OSCP1: variants seen among roughly 807,000 people sequenced by gnomAD.
The protein encoded by OSCP1 is protein OSCP1.
A neutral mutation model predicts 45.1 loss-of-function variants in OSCP1; 35 were observed. The ratio of observed to expected loss-of-function variants is 0.78; its 90% CI spans 0.59 to 1.03. The LOEUF (loss-of-function observed/expected upper bound fraction) is 1.03, where lower values mean the gene tolerates loss of function less well. Ranked by LOEUF, OSCP1 falls within the 50% of genes least tolerant of loss-of-function variation. OSCP1 has a pLI of 0.00. For missense variants in OSCP1, 400 were observed against 470.7 expected (o/e 0.85, Z 1.39); for synonymous variants, 179 against 180.1 (o/e 0.99, Z 0.05).
At position 36,431,814 on chromosome 1, in the gene OSCP1, G is replaced by A; in HGVS notation, c.504C>T (p.Asp168=). 2.5e-6 allele frequency: 4 copies of A among 1,613,624 alleles called. No individual in the cohort carries two copies. Among genetic ancestry groups the A allele is most frequent in the Non-Finnish European group, 3.4e-6 (4 of 1,179,966 alleles). Residue 168 remains aspartate (D), a synonymous_variant, in exon 4 of 10, where the codon GAC becomes GAT. Transcript: ENST00000235532. ...IRQTLLIFFQ[D]LHIRVSMFLK... is the part of the protein sequence containing the mutation. ...CCTATTGACTTACTCGGATGTGCAG[G>A]TCTTGGAAGAAGATGAGGAGTGTCT...
Position 36,432,584 on chromosome 1 carries a change from A to T in OSCP1, c.273T>A (p.Tyr91Ter), listed in dbSNP as rs771698761. 2.2e-5 allele frequency: 36 copies of T among 1,614,080 alleles called. No homozygotes were observed. The highest frequency in any genetic ancestry group is 3.3e-5 in the Admixed American group (2 of 60,006). The change falls in exon 3 of 10, where the codon TAT becomes TAA. Residue 91 changes from tyrosine to a stop codon, truncating the protein, a stop_gained. Coordinates refer to ENST00000235532, the MANE Select transcript of OSCP1 (RefSeq NM_145047.5). LOFTEE classifies it high-confidence loss of function. ...KLNQASMDKLYDLMTMAFKYQ... is the reference protein window; with the variant it reads ...KLNQASMDKL ...ATTTGAAAGCCATGGTCATCAGGTC[A>T]TAGAGCTGCCAACCCACACACAAGC... is the stretch of plus-strand genomic sequence containing the variant.
Position 36,450,239 on chromosome 1 carries a change from C to A in OSCP1, c.112+19G>T. The stretch of plus-strand genomic sequence containing the variant: ...GCTGCTGGCTGCGGGTCTGGCTGAG[C>A]GGGCCGGGGGCCTCTCACCTTTGCG... On this transcript the variant is annotated intron_variant, in intron 1 of 9. Transcript: ENST00000235532. 6.2e-7 allele frequency: 1 copy of A among 1,601,282 alleles called. No individual in the cohort carries two copies.
rs748335154 is a variant in OSCP1, at chr1:36,432,593, C to T, written c.268-4G>A. Reference sequence around the variant, plus strand: ...CCATGGTCATCAGGTCATAGAGCTGCCAACCCACACACAAGCAAAAGAAAT... The same window carrying T: ...CCATGGTCATCAGGTCATAGAGCTGTCAACCCACACACAAGCAAAAGAAAT... On this transcript the variant is annotated splice_polypyrimidine_tract_variant and splice_region_variant and intron_variant, in intron 2 of 9. Coordinates refer to ENST00000235532, the MANE Select transcript of OSCP1 (RefSeq NM_145047.5). 9 of 1,613,980 alleles carry T rather than the reference C, an allele frequency of 5.6e-6. No homozygotes were observed. In the African/African-American group the frequency reaches 6.7e-5, roughly 12 times the overall value.
chr1:36,427,153 A>G (rs1190112041), intron 4 of OSCP1, among the ~76,000 whole-genome samples: 1 of 149,446 alleles, frequency 6.7e-6, no homozygotes, highest in Non-Finnish European at 1.5e-5. Context: ...GGCGCCCGCC[A>G]CCATGCCTGG....
At chr1:36,431,481 G>A (rs2124789808) in intron 4 of OSCP1, among the ~76,000 whole-genome samples, 1 of 152,122 alleles carries the variant, frequency 6.6e-6, no homozygotes, top group East Asian at 1.9e-4. Flanking sequence ...AGGTCAAGGA[G>A]GATACAGCTC....
At chr1:36,423,489 T>C in intron 4 of OSCP1, 23 bp from the exon 5 acceptor site, 1 of 1,547,134 alleles carries the variant, frequency 6.5e-7, no homozygotes. Flanking sequence ...ACATTTATTG[T>C]CATTTTTCTT....
intron 3 of OSCP1, among the ~76,000 whole-genome samples, chr1:36,432,087 A>G (rs1648402562): frequency 6.6e-6 from 1 of 152,192 alleles, no homozygotes; most frequent in Non-Finnish European, 1.5e-5. Flanking sequence ...GCAGGGGTAC[A>G]CTTCCTGTCT....
At chr1:36,446,461 C>T (rs746879725) in intron 1 of OSCP1, among the ~76,000 whole-genome samples, 8 of 152,178 alleles carry the variant, frequency 5.3e-5, no homozygotes, top group Non-Finnish European at 8.8e-5. Flanking sequence ...CAGTGACTCT[C>T]GCTGATAAAA....
At chr1:36,441,321 G>C (rs2123996621) in intron 1 of OSCP1, among the ~76,000 whole-genome samples, 1 of 152,324 alleles carries the variant, frequency 6.6e-6, no homozygotes, top group Non-Finnish European at 1.5e-5. Flanking sequence ...CCCAGCCCTT[G>C]GTTGAGGCAG....
intron 1 of OSCP1, chr1:36,444,168 G>A (rs946350329): frequency 4.3e-6 from 4 of 939,864 alleles, no homozygotes; most frequent in South Asian, 1.5e-5. Context: ...AATGTCTAAT[G>A]TGAGCACACT....
chr1:36,429,143 T>G (rs1648174491), intron 4 of OSCP1, among the ~76,000 whole-genome samples: 2 of 152,100 alleles, frequency 1.3e-5, no homozygotes, highest in South Asian at 4.1e-4. Flanking sequence ...CCCAGCACTT[T>G]GAGAGGCCAA....
chr1:36,438,707 A>G (rs1648926622), intron 2 of OSCP1, 49 bp downstream of exon 2: 3 of 1,561,784 alleles, frequency 1.9e-6, no homozygotes, highest in Non-Finnish European at 2.6e-6. Flanking sequence ...ATCATCCACA[A>G]AAGGTACAAA....
chr1:36,434,749 CA>C (rs71053933), intron 2 of OSCP1, among the ~76,000 whole-genome samples: 2,905 of 69,848 alleles, frequency 0.042, 77 homozygotes, highest in East Asian at 0.32. Context: ...GACTTTGTCT[CA>C]AAAAAAAAAA....
At position 36,450,390 on chromosome 1, in the gene OSCP1, C is replaced by T. The variant is rs1457239629; in HGVS notation, c.-21G>A. ...GACATGGTGCTGGAAACGAGCTGGA[C>T]TGGTGAAGAGCCCCGGGGTTCGGTA... On this transcript the variant is annotated 5_prime_UTR_variant, in exon 1 of 10. Coordinates refer to ENST00000235532, the MANE Select transcript of OSCP1 (RefSeq NM_145047.5). The T allele has an allele frequency of 6.9e-6, 11 of 1,603,460 alleles. No individual in the cohort carries two copies. Among genetic ancestry groups the T allele is most frequent in the African/African-American group, 1.3e-5 (1 of 74,790 alleles).
chr1:36,431,644 C>G (rs1648367584), intron 4 of OSCP1, among the ~76,000 whole-genome samples, 158 bp downstream of exon 4: 1 of 151,998 alleles, frequency 6.6e-6, no homozygotes, highest in African/African-American at 2.4e-5. Flanking sequence ...TTAAAAACTG[C>G]TGAGATGTAT....
intron 2 of OSCP1, among the ~76,000 whole-genome samples, chr1:36,438,298 CAA>C (rs1648887872): frequency 1.9e-5 from 2 of 105,122 alleles, no homozygotes; most frequent in East Asian, 2.9e-4. Flanking sequence ...GCCTGGGCAA[CAA>C]GAGCGAAACT....
rs144367347 is a variant in OSCP1 at position 36,448,847 on chromosome 1, C to T, written c.112+1411G>A. On this transcript the variant is annotated intron_variant, in intron 1 of 9. Coordinates refer to ENST00000235532, the MANE Select transcript of OSCP1 (RefSeq NM_145047.5). The stretch of plus-strand genomic sequence containing the variant: ...AGACAGAGATCAGATAAGGAAGGGC[C>T]CTGAAATGGCCTGTGCAAGGACTTG... 5.3e-5 allele frequency among the ~76,000 whole-genome samples: 8 copies of T among 152,186 alleles called. No homozygotes were observed. In the East Asian group the frequency reaches 1.5e-3, roughly 29 times the overall value.
intron 1 of OSCP1, among the ~76,000 whole-genome samples, chr1:36,440,488 A>G (rs1649059388): frequency 6.6e-6 from 1 of 152,198 alleles, no homozygotes; most frequent in African/African-American, 2.4e-5. Context: ...ACTTGATCCT[A>G]TTACTCAGTG....
chr1:36,437,710 G>C (rs1012675580), intron 2 of OSCP1, among the ~76,000 whole-genome samples: 1 of 152,018 alleles, frequency 6.6e-6, no homozygotes, highest in Non-Finnish European at 1.5e-5. Flanking sequence ...GAAGAGATGA[G>C]GTTTTACCAT....
Sources: gnomAD v4.1 joint callset for allele counts (sites outside exome capture counted in the v4.1 genomes callset) on GRCh38, gnomAD v4.1.1 for gene constraint, MANE v1.5 for transcripts, NCBI Gene and HGNC (gene_info 2026-07-23, HGNC 2026-07-21) for gene names.